FHOD3: variants seen among roughly 807,000 people sequenced by gnomAD.
FHOD3 encodes the protein formin homology 2 domain containing 3, also known as FH1/FH2 domain-containing protein 3.
FHOD3 carries 90 observed loss-of-function variants against 173.0 expected under a neutral mutation model. The observed-to-expected ratio is 0.52, with a 90% confidence interval of 0.44 to 0.62. FHOD3 has a LOEUF of 0.62. FHOD3 is among the 20% of genes least tolerant of loss of function. The pLI, the probability that FHOD3 is intolerant of heterozygous loss-of-function variation, is 0.00. For missense variants in FHOD3, 1,945 were observed against 2,034.7 expected (o/e 0.96, Z 0.85); for synonymous variants, 828 against 823.0 (o/e 1.01, Z -0.10).
intron 6 of FHOD3, among the ~76,000 whole-genome samples, chr18:36,584,150 A>G (rs1038233207): frequency 1.4e-5 from 2 of 145,404 alleles, no homozygotes; most frequent in African/African-American, 5.7e-5. Context: ...GCTGCTTTGT[A>G]TAAATGGCTT....
intron 6 of FHOD3, among the ~76,000 whole-genome samples, chr18:36,589,739 G>A (rs55927505): frequency 6.6e-6 from 1 of 152,176 alleles, no homozygotes; most frequent in South Asian, 2.1e-4. Flanking sequence ...CTCTCCACCA[G>A]CTTGGTTGTC....
chr18:36,395,776 T>TA (rs1421154243), intron 3 of FHOD3, among the ~76,000 whole-genome samples: 4 of 152,240 alleles, frequency 2.6e-5, no homozygotes, highest in Non-Finnish European at 4.4e-5. Context: ...TTATTTTTTC[T>TA]AAAATATGTT....
intron 2 of FHOD3, among the ~76,000 whole-genome samples, chr18:36,365,560 G>GT: frequency 6.6e-6 from 1 of 152,140 alleles, no homozygotes; most frequent in Non-Finnish European, 1.5e-5. Context: ...GTTTGGGGGT[G>GT]TTTTTGCATT....
intron 1 of FHOD3, among the ~76,000 whole-genome samples, chr18:36,314,961 C>G (rs1000383229): frequency 6.6e-6 from 1 of 152,100 alleles, no homozygotes; most frequent in Admixed American, 6.5e-5. Flanking sequence ...GCTTGACGTC[C>G]GAGGAAGTCT....
chr18:36,585,783 G>A (rs944266119), intron 6 of FHOD3, among the ~76,000 whole-genome samples: 1 of 152,228 alleles, frequency 6.6e-6, no homozygotes, highest in African/African-American at 2.4e-5. Flanking sequence ...GCAACCAGAT[G>A]AGTTTTAGCA....
chr18:36,572,063 T>C (rs2058471709), intron 5 of FHOD3, among the ~76,000 whole-genome samples: 2 of 152,210 alleles, frequency 1.3e-5, no homozygotes, highest in African/African-American at 4.8e-5. Flanking sequence ...TTCTAACTCA[T>C]TCCTCACCAC....
At chr18:36,302,900 G>T (rs1464141912) in intron 1 of FHOD3, among the ~76,000 whole-genome samples, 1 of 152,196 alleles carries the variant, frequency 6.6e-6, no homozygotes, top group Non-Finnish European at 1.5e-5. Flanking sequence ...GTTGGTTGGA[G>T]CCTTGCTATT....
At chr18:36,580,020 T>C (rs2058789643) in intron 6 of FHOD3, among the ~76,000 whole-genome samples, 1 of 151,520 alleles carries the variant, frequency 6.6e-6, no homozygotes, top group African/African-American at 2.4e-5. Flanking sequence ...CATATTGATA[T>C]TACTTTGGAA....
At chr18:36,301,398 ATTTTTTATTTCT>A (rs2091954126) in intron 1 of FHOD3, among the ~76,000 whole-genome samples, 1 of 152,158 alleles carries the variant, frequency 6.6e-6, no homozygotes, top group African/African-American at 2.4e-5. Context: ...ATGCTTTATC[ATTTTTTATTTCT>A]TAAACTGATA....
intron 1 of FHOD3, among the ~76,000 whole-genome samples, chr18:36,341,914 A>G (rs1425593851): frequency 6.6e-6 from 1 of 152,246 alleles, no homozygotes; most frequent in Non-Finnish European, 1.5e-5. Context: ...AAAAGGCCAC[A>G]GAAACATCTA....
At chr18:36,530,577 C>T (rs574992079) in intron 5 of FHOD3, among the ~76,000 whole-genome samples, 117 of 152,202 alleles carry the variant, frequency 7.7e-4, no homozygotes, top group Non-Finnish European at 1.3e-3. Context: ...GGTAGTATTC[C>T]GTTGTATGGA....
intron 5 of FHOD3, among the ~76,000 whole-genome samples, chr18:36,557,453 C>T (rs192697753): frequency 9.2e-5 from 14 of 151,932 alleles, no homozygotes; most frequent in Admixed American, 3.3e-4. Flanking sequence ...GTGTAATTTT[C>T]GTCTTGGAAA....
chr18:36,301,131 G>T (rs558340434), intron 1 of FHOD3, among the ~76,000 whole-genome samples: 1 of 152,272 alleles, frequency 6.6e-6, no homozygotes, highest in East Asian at 1.9e-4. Flanking sequence ...TAAAGTAAAT[G>T]TACCTGTGTA....
intron 15 of FHOD3, among the ~76,000 whole-genome samples, chr18:36,681,968 G>T (rs1364228432): frequency 4.6e-5 from 7 of 152,172 alleles, no homozygotes; most frequent in African/African-American, 7.2e-5. Context: ...TTTCTGGTTT[G>T]CTTTTTGATC....
chr18:36,361,746 G>C (rs1262212955), intron 2 of FHOD3, among the ~76,000 whole-genome samples: 1 of 151,720 alleles, frequency 6.6e-6, no homozygotes, highest in East Asian at 1.9e-4. Flanking sequence ...ATGTTTGTTT[G>C]GGAACCTGCA....
At chr18:36,477,050 G>T (rs1456910481) in intron 3 of FHOD3, among the ~76,000 whole-genome samples, 2 of 152,200 alleles carry the variant, frequency 1.3e-5, no homozygotes, top group East Asian at 1.9e-4. Flanking sequence ...GACCATGTGG[G>T]CAGGAGTTAT....
At chr18:36,603,651 G>GC (rs2031699221) in intron 8 of FHOD3, among the ~76,000 whole-genome samples, 3 of 151,904 alleles carry the variant, frequency 2.0e-5, no homozygotes, top group Admixed American at 2.0e-4. Context: ...TTACAGGCAC[G>GC]TGCCACCATG....
chr18:36,619,423 A>G (rs2033517798), intron 9 of FHOD3, among the ~76,000 whole-genome samples: 1 of 152,194 alleles, frequency 6.6e-6, no homozygotes, highest in South Asian at 2.1e-4. Context: ...CTCTGCAAAC[A>G]GTGGAGTCTC....
chr18:36,644,190 C>T (rs1029902121), intron 10 of FHOD3, among the ~76,000 whole-genome samples: 1 of 152,152 alleles, frequency 6.6e-6, no homozygotes, highest in Non-Finnish European at 1.5e-5. Context: ...AACTCCTTAT[C>T]AATCACAAGC....
Sources: gnomAD v4.1 joint callset for allele counts (sites outside exome capture counted in the v4.1 genomes callset) on GRCh38, gnomAD v4.1.1 for gene constraint, MANE v1.5 for transcripts, NCBI Gene and HGNC (gene_info 2026-07-23, HGNC 2026-07-21) for gene names.